LMX1A: variants seen among roughly 807,000 people sequenced by gnomAD.
LMX1A encodes LIM homeobox transcription factor 1-alpha.
In LMX1A, 15 loss-of-function variants were observed where a neutral mutation model predicts 49.1. That is an observed-to-expected ratio of 0.31 (90% confidence interval 0.20 to 0.47). The LOEUF (loss-of-function observed/expected upper bound fraction) is 0.47. Ranked by LOEUF, LMX1A falls within the 20% of genes least tolerant of loss-of-function variation. The pLI is 1.00. For synonymous variants in LMX1A, 167 were observed against 185.7 expected (o/e 0.90, Z 0.82); for missense variants, 372 against 475.8 (o/e 0.78, Z 2.03).
Position 165,281,052 on chromosome 1 carries a change from T to C in LMX1A, c.264-31412A>G, listed in dbSNP as rs59441683. ...GAACATGGAGAAGTAGTCTGGTGGC[T>C]GGAGTCCTACTGACACTCCTTGCTA... is the stretch of plus-strand genomic sequence containing the variant. On this transcript the variant is annotated intron_variant, in intron 3 of 8. Transcript: ENST00000342310. Among the ~76,000 whole-genome samples the C allele has an allele frequency of 3.5e-3, 539 of 152,288 alleles. 3 individuals are homozygous for C. The highest frequency in any genetic ancestry group is 0.012 in the African/African-American group (512 of 41,572).
At chr1:165,309,815 C>T (rs1252280305) in intron 3 of LMX1A, among the ~76,000 whole-genome samples, 1 of 152,214 alleles carries the variant, frequency 6.6e-6, no homozygotes, top group African/African-American at 2.4e-5. Context: ...CTACAACAGT[C>T]ACCACATTGT....
At chr1:165,294,790 C>A (rs1039499423) in intron 3 of LMX1A, among the ~76,000 whole-genome samples, 1 of 152,098 alleles carries the variant, frequency 6.6e-6, no homozygotes, top group African/African-American at 2.4e-5. Context: ...ATGGTGAAAC[C>A]CCATCTCTAC....
intron 4 of LMX1A, among the ~76,000 whole-genome samples, chr1:165,230,106 A>C (rs12126617): frequency 0.41 from 62,390 of 151,988 alleles, 13,093 homozygotes; most frequent in Non-Finnish European, 0.43. Flanking sequence ...CAGCAATCTG[A>C]AACCCAGAAG....
chr1:165,345,287 A>G (rs543137997), intron 3 of LMX1A, among the ~76,000 whole-genome samples: 1 of 152,306 alleles, frequency 6.6e-6, no homozygotes, highest in African/African-American at 2.4e-5. Context: ...GTGGGATGGA[A>G]TTAGAGAGGA....
chr1:165,321,249 A>G (rs1485802248), intron 3 of LMX1A, among the ~76,000 whole-genome samples: 1 of 152,196 alleles, frequency 6.6e-6, no homozygotes, highest in East Asian at 1.9e-4. Flanking sequence ...AGTTATGGAT[A>G]GGTAGTTACT....
chr1:165,309,003 T>C (rs1046732275), intron 3 of LMX1A, among the ~76,000 whole-genome samples: 15 of 152,164 alleles, frequency 9.9e-5, no homozygotes, highest in Admixed American at 7.9e-4. Flanking sequence ...GGGTGTCTCA[T>C]ATTCTATCTC....
chr1:165,235,824 G>T (rs905041912), intron 4 of LMX1A, among the ~76,000 whole-genome samples: 4 of 152,236 alleles, frequency 2.6e-5, no homozygotes, highest in Non-Finnish European at 5.9e-5. Flanking sequence ...TTGAAGTGAC[G>T]GCTTTGGAGA....
chr1:165,353,804 A>G (rs1656507434), intron 2 of LMX1A, among the ~76,000 whole-genome samples: 1 of 152,208 alleles, frequency 6.6e-6, no homozygotes, highest in Non-Finnish European at 1.5e-5. Context: ...AAGCAAACCT[A>G]ATATTATTCA....
In LMX1A at chr1:165,215,089, A is replaced by C. The variant is rs566485223; in HGVS notation, c.497-1276T>G. Among the ~76,000 whole-genome samples, 4 of 152,258 alleles carry C rather than the reference A, an allele frequency of 2.6e-5. No individual in the cohort carries two copies. The South Asian group carries it at 8.3e-4, about 32-fold the overall frequency. On this transcript the variant is annotated intron_variant, in intron 4 of 8. Transcript: ENST00000342310. The stretch of plus-strand genomic sequence containing the variant: ...TCCTAGCACTTTGGGAGGCCAGGGC[A>C]GGTGGATTTCCTGAGCTCAGGAGTT...
At chr1:165,281,746 A>ATGTGTGTGTGTG (rs56913866) in intron 3 of LMX1A, among the ~76,000 whole-genome samples, 151 of 125,958 alleles carry the variant, frequency 1.2e-3, no homozygotes, top group African/African-American at 3.7e-3. Flanking sequence ...GTGTGTGTGT[A>ATGTGTGTGTGTG]TGTGTGTGTG....
intron 4 of LMX1A, among the ~76,000 whole-genome samples, chr1:165,238,712 C>T (rs1338849318): frequency 6.6e-6 from 1 of 152,218 alleles, no homozygotes; most frequent in Non-Finnish European, 1.5e-5. Flanking sequence ...ACCTGGAGCA[C>T]TGCCATAGCC....
chr1:165,339,175 G>GTCACCCTAC (rs1385713036), intron 3 of LMX1A, among the ~76,000 whole-genome samples: 1 of 152,222 alleles, frequency 6.6e-6, no homozygotes, highest in African/African-American at 2.4e-5. Context: ...CTACTCTCCA[G>GTCACCCTAC]TCTGGGGAAG....
rs559312136 is a variant in LMX1A, at chr1:165,254,494, G to A, written c.264-4854C>T. ...ACTTCGTCTTACTACCTTGACTCCTGTTATCTTCACTAACCCCAGAGTAAT... is the reference window on the plus strand; with the variant it reads ...ACTTCGTCTTACTACCTTGACTCCTATTATCTTCACTAACCCCAGAGTAAT... On this transcript the variant is annotated intron_variant, in intron 3 of 8. Transcript: ENST00000342310. Among the ~76,000 whole-genome samples the A allele has an allele frequency of 3.2e-4, 48 of 152,198 alleles. No homozygotes were observed. The South Asian group carries it at 9.8e-3, about 31-fold the overall frequency.
intron 4 of LMX1A, among the ~76,000 whole-genome samples, chr1:165,217,910 TAAG>T (rs1651700716): frequency 1.3e-5 from 2 of 152,358 alleles, no homozygotes; most frequent in South Asian, 4.1e-4. Context: ...TTTTGCTTTC[TAAG>T]AAGCACTTCA....
At chr1:165,259,393 A>G (rs1292830783) in intron 3 of LMX1A, among the ~76,000 whole-genome samples, 1 of 152,222 alleles carries the variant, frequency 6.6e-6, no homozygotes, top group Non-Finnish European at 1.5e-5. Context: ...GGAAGTTGTC[A>G]GCTCCATGTT....
intron 3 of LMX1A, among the ~76,000 whole-genome samples, chr1:165,275,609 C>T (rs1440166769): frequency 2.6e-5 from 4 of 152,180 alleles, no homozygotes; most frequent in Admixed American, 2.0e-4. Flanking sequence ...GGCAAAGCCC[C>T]CTTCCTTATT....
intron 4 of LMX1A, among the ~76,000 whole-genome samples, chr1:165,234,416 C>A (rs1038404497): frequency 6.6e-6 from 1 of 152,200 alleles, no homozygotes; most frequent in Non-Finnish European, 1.5e-5. Flanking sequence ...TTGCGCCAGA[C>A]TCTATGATCT....
At chr1:165,204,070 G>T in intron 8 of LMX1A, 30 bp from the exon 9 acceptor site, 1 of 1,610,738 alleles carries the variant, frequency 6.2e-7, no homozygotes, top group Non-Finnish European at 8.5e-7. Flanking sequence ...CTGGCATGAG[G>T]GTCTTGAAGA....
chr1:165,250,671 A>T (rs1171016879), intron 3 of LMX1A, among the ~76,000 whole-genome samples: 2 of 152,254 alleles, frequency 1.3e-5, no homozygotes, highest in Non-Finnish European at 2.9e-5. Context: ...TATGAAGATG[A>T]ATAAAGGAAA....
Sources: allele counts gnomAD v4.1 joint callset (sites outside exome capture counted in the v4.1 genomes callset), GRCh38; gene constraint gnomAD v4.1.1; transcripts MANE v1.5; gene names NCBI Gene and HGNC (gene_info 2026-07-23, HGNC 2026-07-21).